Variants in COL4A2 observed in about 807,000 individuals in gnomAD.
COL4A2 encodes collagen type IV alpha 2 chain, also known as collagen alpha-2(IV) chain.
In COL4A2, 99 loss-of-function variants were observed where a neutral mutation model predicts 200.2. The ratio of observed to expected loss-of-function variants is 0.49; its 90% CI spans 0.42 to 0.58. The LOEUF is 0.58. Among genes scored for constraint, COL4A2 ranks in the 20% least tolerant of loss-of-function variants. The pLI is 0.00. For synonymous variants in COL4A2, 897 were observed against 900.6 expected (o/e 1.00, Z 0.07); for missense variants, 1,950 against 2,314.1 (o/e 0.84, Z 3.23).
Position 110,504,035 on chromosome 13 carries a change from C to T in COL4A2, c.4285+42C>T, listed in dbSNP as rs373828937. 3.2e-5 allele frequency: 50 copies of T among 1,556,090 alleles called. No individual in the cohort carries two copies. In the South Asian group the frequency reaches 3.6e-4, roughly 11 times the overall value. On this transcript the variant is annotated intron_variant, in intron 44 of 47. Transcript: ENST00000360467. ...GGGCCTGGAGCCCCTCGGGGCTGCC[C>T]GGGCAAGGCCAGGGCCTGCTGGCAT...
At chr13:110,412,590 T>C (rs1016102024) in intron 4 of COL4A2, among the ~76,000 whole-genome samples, 12 of 152,354 alleles carry the variant, frequency 7.9e-5, no homozygotes, top group African/African-American at 2.6e-4. Flanking sequence ...CTTCCTTTTA[T>C]AGCTTTCTCA....
chr13:110,332,120 C>T (rs1174154816), intron 3 of COL4A2, among the ~76,000 whole-genome samples: 3 of 152,194 alleles, frequency 2.0e-5, no homozygotes, highest in Non-Finnish European at 4.4e-5. Flanking sequence ...GATGGTTTTA[C>T]ATCCTTTTAG....
At position 110,492,061 on chromosome 13, in the gene COL4A2, C is replaced by T. The variant is rs1281119326; in HGVS notation, c.3455-9C>T. ...GTGTGCTCAGACTTAATGCTGTGTT[C>T]ACCCCCAGGCTTTCCAGGGCTGACT... is the stretch of plus-strand genomic sequence containing the variant. On this transcript the variant is annotated splice_polypyrimidine_tract_variant and intron_variant, in intron 37 of 47. Transcript: ENST00000360467. 1.3e-6 allele frequency: 2 copies of T among 1,550,094 alleles called. No individual in the cohort carries two copies. The highest frequency in any genetic ancestry group is 2.7e-5 in the African/African-American group (2 of 73,002).
chr13:110,364,066 C>T (rs993490161), intron 4 of COL4A2, among the ~76,000 whole-genome samples: 2 of 152,202 alleles, frequency 1.3e-5, no homozygotes, highest in Non-Finnish European at 2.9e-5. Context: ...CTGGTCGGAC[C>T]TCTTTGCAAA....
chr13:110,359,754 C>T (rs916024696), intron 4 of COL4A2, among the ~76,000 whole-genome samples: 1 of 152,180 alleles, frequency 6.6e-6, no homozygotes, highest in Non-Finnish European at 1.5e-5. Flanking sequence ...GATAGGGAAC[C>T]TCTTTATAAA....
intron 46 of COL4A2, chr13:110,507,553 G>T: frequency 3.8e-6 from 1 of 259,964 alleles, no homozygotes. Context: ...ACTCCTTCTG[G>T]GGTGGCTCCT....
chr13:110,345,234 C>T (rs1012819004), intron 3 of COL4A2, among the ~76,000 whole-genome samples: 1 of 152,152 alleles, frequency 6.6e-6, no homozygotes, highest in Admixed American at 6.5e-5. Context: ...TGTACAAACG[C>T]AAGTTCTTTG....
At chr13:110,311,822 G>A (rs545804188) in intron 3 of COL4A2, among the ~76,000 whole-genome samples, 10 of 152,338 alleles carry the variant, frequency 6.6e-5, no homozygotes, top group South Asian at 2.1e-4. Flanking sequence ...CACAATAGAC[G>A]TGGGTTCACG....
intron 3 of COL4A2, among the ~76,000 whole-genome samples, chr13:110,311,580 T>C (rs1158922389): frequency 6.6e-6 from 1 of 152,116 alleles, no homozygotes; most frequent in Non-Finnish European, 1.5e-5. Context: ...TGTGGGTGCA[T>C]GTGAAGCGCC....
At chr13:110,363,950 C>A (rs1161291769) in intron 4 of COL4A2, among the ~76,000 whole-genome samples, 1 of 152,200 alleles carries the variant, frequency 6.6e-6, no homozygotes, top group Admixed American at 6.5e-5. Context: ...AGCCGCCCGC[C>A]TCGGCCTCCC....
At chr13:110,387,039 A>T (rs1594184939) in intron 4 of COL4A2, among the ~76,000 whole-genome samples, 1 of 152,158 alleles carries the variant, frequency 6.6e-6, no homozygotes, top group Non-Finnish European at 1.5e-5. Flanking sequence ...GGAGTTCAAG[A>T]CCAGCCTGGC....
At chr13:110,465,956 T>TA (rs1229181770) in intron 25 of COL4A2, 47 bp from the exon 26 acceptor site, 1 of 1,601,982 alleles carries the variant, frequency 6.2e-7, no homozygotes, top group Non-Finnish European at 8.5e-7. Flanking sequence ...CAGTAACTCT[T>TA]ATCTGTTTCA....
chr13:110,430,673 T>C, intron 10 of COL4A2, 66 bp downstream of exon 10: 1 of 1,599,752 alleles, frequency 6.3e-7, no homozygotes, highest in South Asian at 1.1e-5. Flanking sequence ...AGATGCCACT[T>C]CTTCAATGGT....
In COL4A2 at chr13:110,409,502, G is replaced by A. The variant is rs144780780; in HGVS notation, c.181-15232G>A. On this transcript the variant is annotated intron_variant, in intron 4 of 47. Coordinates refer to ENST00000360467, the MANE Select transcript of COL4A2 (RefSeq NM_001846.4). ...ACACCAAATGCGCAGGAAGCGTATC[G>A]GGAGCAGCACGGCTGCACTCAGTTG... 4.6e-5 allele frequency among the ~76,000 whole-genome samples: 7 copies of A among 152,340 alleles called. No homozygotes were observed. The South Asian group carries it at 6.2e-4, about 14-fold the overall frequency.
intron 40 of COL4A2, among the ~76,000 whole-genome samples, chr13:110,499,265 T>A (rs1020660784): frequency 6.6e-6 from 1 of 152,364 alleles, no homozygotes; most frequent in Middle Eastern, 3.4e-3. Context: ...AGAGGTTTAA[T>A]TGATTCACAG....
intron 10 of COL4A2, among the ~76,000 whole-genome samples, chr13:110,431,245 G>A (rs57509241): frequency 0.014 from 2,098 of 152,250 alleles, 40 homozygotes; most frequent in African/African-American, 0.048. Context: ...CACAAGGAGC[G>A]ATTTGGGCTG....
At chr13:110,406,254 G>C (rs1030673205) in intron 4 of COL4A2, among the ~76,000 whole-genome samples, 4 of 152,212 alleles carry the variant, frequency 2.6e-5, no homozygotes, top group Admixed American at 6.5e-5. Context: ...AAGCTGATCT[G>C]CTGCCCCTAC....
intron 4 of COL4A2, among the ~76,000 whole-genome samples, chr13:110,385,517 C>T (rs371524867): frequency 0.034 from 2,640 of 78,672 alleles, 371 homozygotes; most frequent in African/African-American, 0.046. Context: ...GTGGATAGGC[C>T]GTGGTTACAG....
At position 110,439,664 on chromosome 13, in the gene COL4A2, C is replaced by G. The variant is rs74674005; in HGVS notation, c.913-125C>G. On this transcript the variant is annotated intron_variant, in intron 15 of 47. Transcript: ENST00000360467. ...TGTTGCTATTCTTCAAAATCTGGAC[C>G]TGAGACTTGTTCAATCTGTCCATCG... 1.6e-3 allele frequency: 2,448 copies of G among 1,493,414 alleles called. 20 individuals carry two copies. In the African/African-American group the frequency reaches 0.022, roughly 14 times the overall value. 92.5% of individuals were successfully genotyped at this position (1,493,414 alleles called of 1,614,324 possible).
Sources: gnomAD v4.1 joint callset for allele counts (sites outside exome capture counted in the v4.1 genomes callset) on GRCh38, gnomAD v4.1.1 for gene constraint, MANE v1.5 for transcripts, NCBI Gene and HGNC (gene_info 2026-07-23, HGNC 2026-07-21) for gene names.